The following GRK1 variants were observed in gnomAD, a reference collection of about 807,000 sequenced individuals.
The protein encoded by GRK1 is rhodopsin kinase GRK1.
A neutral mutation model predicts 41.7 loss-of-function variants in GRK1; 28 were observed. The observed-to-expected ratio is 0.67, with a 90% CI of 0.50 to 0.92. The LOEUF (loss-of-function observed/expected upper bound fraction) is 0.92, where lower values mean the gene tolerates loss of function less well. Among genes scored for constraint, GRK1 ranks in the 40% least tolerant of loss-of-function variants. The pLI is 0.00. For missense variants in GRK1, 703 were observed against 671.2 expected (o/e 1.05, Z -0.52); for synonymous variants, 327 against 286.7 (o/e 1.14, Z -1.42).
chr13:113,657,583 C>T, the GRK1 span, among the ~76,000 whole-genome samples: 14 of 152,344 alleles, frequency 9.2e-5, no homozygotes, highest in Admixed American at 6.5e-4. Context: ...TCCCCACCTC[C>T]GCATCTGGAC....
the GRK1 span, among the ~76,000 whole-genome samples, chr13:113,655,369 A>G: frequency 1.2e-4 from 19 of 152,206 alleles, no homozygotes; most frequent in Non-Finnish European, 1.9e-4. Context: ...ATGGTGACCC[A>G]TAGTGCAGCC....
At chr13:113,650,427 A>T in the GRK1 span, 1 of 1,614,014 alleles carries the variant, frequency 6.2e-7, no homozygotes, top group Non-Finnish European at 8.5e-7. This position sits in a 1 kb window ranked among gnomAD's most constrained non-coding sequence, Gnocchi z 5.0. Context: ...TCCCGTAATA[A>T]GGGAAGTAGT....
intron 5 of GRK1, 94 bp from the exon 6 acceptor site, chr13:113,732,790 G>A (rs2049946443): frequency 6.6e-6 from 9 of 1,373,132 alleles, no homozygotes; most frequent in African/African-American, 1.4e-5. Context: ...ACCCGCGTGG[G>A]TGAGCGGTGG....
chr13:113,650,212 G>A, the GRK1 span, among the ~76,000 whole-genome samples: 2 of 151,834 alleles, frequency 1.3e-5, no homozygotes, highest in East Asian at 1.9e-4. The surrounding 1 kb of genome is among the most constrained non-coding windows in gnomAD (Gnocchi z 5.0). Flanking sequence ...GTATTTTCAT[G>A]TTGCGTGAGA....
intron 1 of GRK1, 75 bp from the exon 2 acceptor site, chr13:113,669,612 T>A: frequency 6.3e-7 from 1 of 1,586,702 alleles, no homozygotes; most frequent in South Asian, 1.1e-5. Context: ...CGTGGCCGGG[T>A]GCACACGGTC....
At chr13:113,657,200 C>G in the GRK1 span, among the ~76,000 whole-genome samples, 1 of 152,098 alleles carries the variant, frequency 6.6e-6, no homozygotes, top group East Asian at 1.9e-4. Flanking sequence ...CCCACCTCGG[C>G]TCTGGGACCC....
At position 113,733,911 on chromosome 13, in the gene GRK1, AG is replaced by A. The variant is rs1566700332; in HGVS notation, c.1396+827del. ...TGTGCGTGTGTGTATGTGTGCATAC[AG>A]TGTGCGTGTGTGCATGTGTGCATAC... On this transcript the variant is annotated intron_variant, in intron 6 of 6. Coordinates refer to ENST00000335678, the MANE Select transcript of GRK1 (RefSeq NM_002929.3). Among the ~76,000 whole-genome samples, 493 of 57,342 alleles carry A rather than the reference AG, an allele frequency of 8.6e-3. 10 individuals are homozygous for A. Among genetic ancestry groups the A allele is most frequent in the African/African-American group, 0.039 (399 of 10,170 alleles). 37.6% of individuals were successfully genotyped at this position (57,342 alleles called of 152,430 possible). A position where few individuals can be genotyped will look rare whatever the true frequency, so the allele number is the denominator to read the frequency against.
chr13:113,735,355 G>C lies in GRK1; in HGVS notation c.1684G>C (p.Val562Leu). ...CTCGTCCAAGTCAGGGATGTGTCTG[G>C]TTTCCTAGGTGACGCCCCAGAGTCC... ...SSSSKSGMCL[V>L]S The change falls in exon 7 of 7, where the codon GTT becomes CTT. Residue 562 changes from valine (V) to leucine (L), a missense_variant. Physicochemically the swap from Val to Leu is conservative, Grantham distance 32 (BLOSUM62 1). Transcript: ENST00000335678. 6.7e-7 allele frequency: 1 copy of C among 1,498,684 alleles called. No individual in the cohort carries two copies. The highest frequency in any genetic ancestry group is 2.5e-5 in the East Asian group (1 of 40,338). 92.8% of individuals were successfully genotyped at this position (1,498,684 alleles called of 1,614,324 possible).
chr13:113,671,386 A>G lies in GRK1; in HGVS notation c.828-113A>G. 2 of 727,694 alleles carry G rather than the reference A, an allele frequency of 2.7e-6. No homozygotes were observed. Among genetic ancestry groups the G allele is most frequent in the Non-Finnish European group, 5.0e-6 (2 of 397,092 alleles). The allele number at this position is 727,694 out of a possible 1,614,324, so 45.1% of individuals were successfully genotyped here. On this transcript the variant is annotated intron_variant, in intron 2 of 6. Transcript: ENST00000335678. The surrounding 1 kb of genome is among the most constrained non-coding windows in gnomAD (Gnocchi z 4.1). Reference sequence around the variant, plus strand: ...AGGGACGTAGGGGGGCCAGGCCTCAAAACGACCAGAACGCTGGCCGAGAGA... The same window carrying G: ...AGGGACGTAGGGGGGCCAGGCCTCAGAACGACCAGAACGCTGGCCGAGAGA...
Position 113,667,905 on chromosome 13 carries a change from G to C in GRK1, c.519G>C (p.Arg173Ser). ...ACCTGGGCAGCCTGTACTTCCTGAG[G>C]TTCCTGCAGTGGAAGTGGCTGGAAG... ...QEYLGSLYFL[R>S]FLQWKWLEAQ... is the part of the protein sequence containing the mutation. The change falls in exon 1 of 7, where the codon AGG (arginine) becomes AGC (serine). Residue 173 changes from arginine (R) to serine (S), a missense_variant. Physicochemically the swap from Arg to Ser is moderately radical, Grantham distance 110. Transcript: ENST00000335678. This position sits in a 1 kb window ranked among gnomAD's most constrained non-coding sequence, Gnocchi z 7.5. 6.2e-7 allele frequency: 1 copy of C among 1,605,470 alleles called. No homozygotes were observed. The highest frequency in any genetic ancestry group is 8.5e-7 in the Non-Finnish European group (1 of 1,175,658).
At chr13:113,657,892 G>A in the GRK1 span, 22 of 703,012 alleles carry the variant, frequency 3.1e-5, no homozygotes, top group African/African-American at 1.1e-4. Flanking sequence ...GGCCCTGGCC[G>A]AAGCCCGTCC....
In GRK1 at chr13:113,671,618, G is replaced by T; in HGVS notation, c.947G>T (p.Arg316Leu). The change falls in exon 3 of 7, where the codon CGC becomes CTC. Residue 316 changes from arginine (R) to leucine (L), a missense_variant. Transcript: ENST00000335678. The surrounding 1 kb of genome is among the most constrained non-coding windows in gnomAD (Gnocchi z 4.1). ...EHLHQRRIVY[R>L]DLKPENVLLD... Reference sequence around the variant, plus strand: ...CTGCACCAGAGGCGGATCGTCTACCGCGACCTCAAGCCCGAGAACGTGCTG... The same window carrying T: ...CTGCACCAGAGGCGGATCGTCTACCTCGACCTCAAGCCCGAGAACGTGCTG... 1.3e-6 allele frequency: 1 copy of T among 770,526 alleles called. No individual in the cohort carries two copies. Among genetic ancestry groups the T allele is most frequent in the South Asian group, 1.3e-5 (1 of 74,526 alleles). The allele number at this position is 770,526 out of a possible 1,614,324, so 47.7% of individuals were successfully genotyped here.
chr13:113,650,056 A>G, the GRK1 span, among the ~76,000 whole-genome samples: 7 of 152,064 alleles, frequency 4.6e-5, no homozygotes, highest in East Asian at 7.8e-4. This position sits in a 1 kb window ranked among gnomAD's most constrained non-coding sequence, Gnocchi z 5.0. Flanking sequence ...TCAGCTACTT[A>G]GGAGGCTGAG....
At position 113,731,321 on chromosome 13, in the gene GRK1, C is replaced by G; in HGVS notation, c.1172C>G (p.Pro391Arg). ...TATGAGATGATTGCGGCCAGAGGAC[C>G]CTTCCGAGCCCGTGGAGAGAAGGTA... ...TLYEMIAARG[P>R]FRARGEKVEN... The change falls in exon 5 of 7, where the codon CCC becomes CGC. Residue 391 changes from proline to arginine, a missense_variant. Pro to Arg is a moderately radical substitution (Grantham distance 103). Transcript: ENST00000335678. The surrounding 1 kb of genome is among the most constrained non-coding windows in gnomAD (Gnocchi z 5.6). The G allele has an allele frequency of 1.3e-6, 2 of 1,536,978 alleles. No individual in the cohort carries two copies. Among genetic ancestry groups the G allele is most frequent in the Non-Finnish European group, 1.7e-6 (2 of 1,146,848 alleles).
Position 113,723,113 on chromosome 13 carries a change from T to C in GRK1, c.1025T>C (p.Leu342Pro). 1 of 701,848 alleles carries C rather than the reference T, an allele frequency of 1.4e-6. No homozygotes were observed. Among genetic ancestry groups the C allele is most frequent in the Non-Finnish European group, 2.6e-6 (1 of 384,264 alleles). The allele number at this position is 701,848 out of a possible 1,614,324, so 43.5% of individuals were successfully genotyped here. The change falls in exon 4 of 7, where the codon CTG becomes CCG. Residue 342 changes from leucine to proline, a missense_variant. Physicochemically the swap from Leu to Pro is moderately conservative, Grantham distance 98 (BLOSUM62 -3). Coordinates refer to ENST00000335678, the MANE Select transcript of GRK1 (RefSeq NM_002929.3). The part of the protein sequence containing the change: ...RISDLGLAVE[L>P]LDGQSKTKGY... ...TCTGACCTTGGGCTGGCCGTGGAGC[T>C]GCTGGACGGACAGAGCAAGACCAAG...
chr13:113,733,718 TGTGTGTGCGCGC>T (rs1230553614), intron 6 of GRK1, among the ~76,000 whole-genome samples: 13 of 126,582 alleles, frequency 1.0e-4, no homozygotes, highest in South Asian at 4.6e-4. Flanking sequence ...TGTGCGCACG[TGTGTGTGCGCGC>T]GTGTGTATGT....
chr13:113,733,043 C>T lies in GRK1; in HGVS notation c.1354C>T (p.His452Tyr). 1 of 1,537,070 alleles carries T rather than the reference C, an allele frequency of 6.5e-7. No homozygotes were observed. Among genetic ancestry groups the T allele is most frequent in the Non-Finnish European group, 8.7e-7 (1 of 1,146,908 alleles). ...TGAGACCTGCGACAAGCTCCGTGCC[C>T]ACCCCCTCTTCAAGGACCTTAACTG... ...RDETCDKLRA[H>Y]PLFKDLNWRQ... The change falls in exon 6 of 7, where the codon CAC (histidine) becomes TAC (tyrosine). Residue 452 changes from histidine (H) to tyrosine (Y), a missense_variant. Coordinates refer to ENST00000335678, the MANE Select transcript of GRK1 (RefSeq NM_002929.3).
At chr13:113,668,235 C>A (rs746050796) in intron 1 of GRK1, 150 bp downstream of exon 1, 6 of 802,600 alleles carry the variant, frequency 7.5e-6, no homozygotes, top group Admixed American at 5.7e-5. Context: ...GCCACGTGGG[C>A]GCCCCGCGGC....
the GRK1 span, among the ~76,000 whole-genome samples, chr13:113,650,085 C>T: frequency 6.6e-6 from 1 of 151,890 alleles, no homozygotes; most frequent in Non-Finnish European, 1.5e-5. This position sits in a 1 kb window ranked among gnomAD's most constrained non-coding sequence, Gnocchi z 5.0. Flanking sequence ...ATCACTTGAG[C>T]CCAGGTGGTT....
Sources: allele counts gnomAD v4.1 joint callset (sites outside exome capture counted in the v4.1 genomes callset), GRCh38; gene constraint gnomAD v4.1.1; non-coding constraint Gnocchi (gnomAD v3.1); transcripts MANE v1.5; gene names NCBI Gene and HGNC (gene_info 2026-07-23, HGNC 2026-07-21).